Variants in SRCAP observed in about 807,000 individuals in gnomAD.
The protein encoded by SRCAP is chromatin remodeling protein SRCAP.
In SRCAP, 46 loss-of-function variants were observed where a neutral mutation model predicts 263.1. The observed-to-expected ratio is 0.17, with a 90% CI of 0.14 to 0.22. The LOEUF is 0.22. SRCAP is among the 10% of genes least tolerant of loss of function. The pLI, the probability that SRCAP is intolerant of heterozygous loss-of-function variation, is 1.00. For missense variants in SRCAP, 3,695 were observed against 4,181.9 expected (o/e 0.88, Z 3.21); for synonymous variants, 1,813 against 1,662.1 (o/e 1.09, Z -2.21).
At chr16:30,714,354 G>A (rs1318642201) in intron 16 of SRCAP, among the ~76,000 whole-genome samples, 1 of 151,620 alleles carries the variant, frequency 6.6e-6, no homozygotes, top group South Asian at 2.1e-4. Context: ...ATGAGCCACC[G>A]CGCCCGGCCT....
intron 31 of SRCAP, 81 bp downstream of exon 31, chr16:30,734,696 C>T: frequency 1.3e-6 from 2 of 1,586,324 alleles, no homozygotes; most frequent in Non-Finnish European, 1.7e-6. Context: ...TTGAGCTTGT[C>T]CAGGGGAAAG....
At chr16:30,705,264 CA>C (rs921569421) in intron 4 of SRCAP, among the ~76,000 whole-genome samples, 1 of 152,130 alleles carries the variant, frequency 6.6e-6, no homozygotes, top group Non-Finnish European at 1.5e-5. Context: ...GATGCCACTG[CA>C]CACCAGCCTG....
intron 25 of SRCAP, among the ~76,000 whole-genome samples, chr16:30,726,998 G>A (rs1240002431): frequency 6.6e-6 from 1 of 152,080 alleles, no homozygotes; most frequent in African/African-American, 2.4e-5. Flanking sequence ...CACTGCACCT[G>A]GCCAGATTTT....
rs760662313 is a variant in SRCAP at position 30,737,989 on chromosome 16, A to G, written c.7949A>G (p.Asn2650Ser). The G allele has an allele frequency of 6.2e-7, 1 of 1,613,914 alleles. No individual in the cohort carries two copies. Among genetic ancestry groups the G allele is most frequent in the Non-Finnish European group, 8.5e-7 (1 of 1,180,032 alleles). Reference sequence around the variant, plus strand: ...TTGCCCCTGTGTGTGAGTGAGAGCAATGGCCTGGAGCTCCCACCCTCAGCA... The same window carrying G: ...TTGCCCCTGTGTGTGAGTGAGAGCAGTGGCCTGGAGCTCCCACCCTCAGCA... ...EELPLCVSESNGLELPPSAAS... is the reference protein window; with the variant it reads ...EELPLCVSESSGLELPPSAAS... Residue 2650 changes from asparagine to serine, a missense_variant, in exon 34 of 34, where the codon AAT (asparagine) becomes AGT (serine). This residue lies in a region of SRCAP where 1,207 missense variants were observed against 1,142.9 expected (regional missense o/e 1.06). Transcript: ENST00000262518.
intron 4 of SRCAP, among the ~76,000 whole-genome samples, chr16:30,705,895 G>T (rs908648795): frequency 6.6e-6 from 1 of 151,894 alleles, no homozygotes; most frequent in Non-Finnish European, 1.5e-5. Flanking sequence ...TAGTAGACAC[G>T]GGGTTTCACC....
At chr16:30,712,595 C>T in intron 13 of SRCAP, 84 bp from the exon 14 acceptor site, 1 of 1,587,902 alleles carries the variant, frequency 6.3e-7, no homozygotes, top group Non-Finnish European at 8.6e-7. Context: ...TAGGAAGGGC[C>T]AAAGGGTGGC....
rs1047665641 is a variant in SRCAP, at chr16:30,738,741, C to T, written c.8701C>T (p.Leu2901=). 8 of 1,613,976 alleles carry T rather than the reference C, an allele frequency of 5.0e-6. No homozygotes were observed. The highest frequency in any genetic ancestry group is 2.5e-6 in the Non-Finnish European group (3 of 1,180,014). Reference sequence around the variant, plus strand: ...TGACCCAGTCCCTGGGCCTGAGACCCTAATTGTTGCAGATCCTGTCCTGGA... The same window carrying T: ...TGACCCAGTCCCTGGGCCTGAGACCTTAATTGTTGCAGATCCTGTCCTGGA... ...GADPVPGPET[L]IVADPVLEPQ... is the part of the protein sequence containing the mutation. Residue 2901 remains leucine (L), a synonymous_variant, in exon 34 of 34, where the codon CTA becomes TTA. Coordinates refer to ENST00000262518, the MANE Select transcript of SRCAP (RefSeq NM_006662.3).
intron 25 of SRCAP, 50 bp downstream of exon 25, chr16:30,725,132 T>C: frequency 6.4e-7 from 1 of 1,556,106 alleles, no homozygotes; most frequent in Non-Finnish European, 8.7e-7. Context: ...TTCTTTGGAG[T>C]GTTGGTAGGG....
intron 6 of SRCAP, among the ~76,000 whole-genome samples, chr16:30,709,088 A>G (rs1567241453): frequency 1.3e-5 from 2 of 152,094 alleles, no homozygotes; most frequent in Non-Finnish European, 2.9e-5. Context: ...CAAAGTGCTG[A>G]GAATACAGGC....
At chr16:30,710,605 C>T in intron 8 of SRCAP, 149 bp from the exon 9 acceptor site, 1 of 891,156 alleles carries the variant, frequency 1.1e-6, no homozygotes, top group Non-Finnish European at 1.9e-6. Context: ...GAGAGAAAAC[C>T]CTTGATTGTA....
chr16:30,736,210 G>A lies in SRCAP; in HGVS notation c.6740G>A (p.Arg2247Gln), dbSNP rs762533217. 1.2e-6 allele frequency: 2 copies of A among 1,613,836 alleles called. No homozygotes were observed. The highest frequency in any genetic ancestry group is 1.3e-5 in the African/African-American group (1 of 74,862). Residue 2247 changes from arginine (R) to glutamine (Q), a missense_variant, in exon 32 of 34, where the codon CGG (arginine) becomes CAG (glutamine). Coordinates refer to ENST00000262518, the MANE Select transcript of SRCAP (RefSeq NM_006662.3). ...QTHILEQALC[R>Q]AEDEEDIRAA... is the part of the protein sequence containing the mutation. Reference sequence around the variant, plus strand: ...TATACACCCTGGTAGGCATTGTGTCGGGCAGAAGATGAAGAGGATATCCGT... The same window carrying A: ...TATACACCCTGGTAGGCATTGTGTCAGGCAGAAGATGAAGAGGATATCCGT...
intron 25 of SRCAP, chr16:30,725,457 A>C (rs1200218452): frequency 2.8e-5 from 5 of 177,322 alleles, no homozygotes; most frequent in Admixed American, 5.7e-5. Flanking sequence ...TACTTGAGTT[A>C]AACTCACAGT....
At position 30,737,558 on chromosome 16, in the gene SRCAP, C is replaced by T. The variant is rs1216000873; in HGVS notation, c.7518C>T (p.Thr2506=). The part of the protein sequence containing the change: ...SPACTPPPAC[T]PPPAHTPPPA... ...CCTGCACCCCTCCTCCTGCCTGTAC[C>T]CCTCCACCAGCTCATACACCGCCTC... Residue 2506 remains threonine, a synonymous_variant, in exon 34 of 34, where the codon ACC becomes ACT. Coordinates refer to ENST00000262518, the MANE Select transcript of SRCAP (RefSeq NM_006662.3). The T allele has an allele frequency of 6.2e-6, 10 of 1,613,748 alleles. No homozygotes were observed. Among genetic ancestry groups the T allele is most frequent in the Admixed American group, 5.0e-5 (3 of 60,004 alleles).
At position 30,723,795 on chromosome 16, in the gene SRCAP, C is replaced by T. The variant is rs1490568023; in HGVS notation, c.4371C>T (p.Ile1457=). 2 of 1,614,122 alleles carry T rather than the reference C, an allele frequency of 1.2e-6. No homozygotes were observed. The highest frequency in any genetic ancestry group is 1.3e-5 in the African/African-American group (1 of 75,000). Residue 1457 remains isoleucine, a synonymous_variant, in exon 25 of 34, where the codon ATC becomes ATT. Transcript: ENST00000262518. ...LPAPASAPLT[I]PISAPLTVSA... ...CCCCAGCCTCGGCTCCACTCACCAT[C>T]CCCATCTCAGCCCCCTTGACTGTTT...
At chr16:30,699,611 C>T (rs1465684748) in intron 1 of SRCAP, among the ~76,000 whole-genome samples, 4 of 152,106 alleles carry the variant, frequency 2.6e-5, no homozygotes, top group Admixed American at 1.3e-4. Flanking sequence ...TAGCACCTTT[C>T]TGAGGTTCTG....
chr16:30,709,219 C>T (rs2052860781), intron 6 of SRCAP, among the ~76,000 whole-genome samples: 1 of 151,780 alleles, frequency 6.6e-6, no homozygotes, highest in African/African-American at 2.4e-5. Context: ...CATTTGAGCC[C>T]AGGAGTTTGA....
At chr16:30,706,751 G>A (rs2052832239) in intron 4 of SRCAP, among the ~76,000 whole-genome samples, 2 of 152,160 alleles carry the variant, frequency 1.3e-5, no homozygotes, top group Admixed American at 6.5e-5. Flanking sequence ...ATTCTACAAT[G>A]ATGATGACCC....
At chr16:30,731,588 G>C (rs986216250) in intron 27 of SRCAP, among the ~76,000 whole-genome samples, 1 of 152,204 alleles carries the variant, frequency 6.6e-6, no homozygotes, top group Non-Finnish European at 1.5e-5. Context: ...GTTCAAGGCC[G>C]GGTGTGGTGA....
chr16:30,725,899 A>G (rs2053059852), intron 25 of SRCAP: 2 of 152,228 alleles, frequency 1.3e-5, no homozygotes, highest in South Asian at 2.1e-4. Context: ...TGCTGGGATT[A>G]TAGGTGTGAG....
Sources: allele counts gnomAD v4.1 joint callset (sites outside exome capture counted in the v4.1 genomes callset), GRCh38; gene constraint gnomAD v4.1.1; regional missense constraint gnomAD v4.1.1; transcripts MANE v1.5; gene names NCBI Gene and HGNC (gene_info 2026-07-23, HGNC 2026-07-21).